HECW2: variants seen among roughly 807,000 people sequenced by gnomAD.
The protein encoded by HECW2 is E3 ubiquitin-protein ligase HECW2.
Under a neutral mutation model 175.2 loss-of-function variants are expected in HECW2, and 61 were observed. The ratio of observed to expected loss-of-function variants is 0.35; its 90% CI spans 0.28 to 0.43. The LOEUF (loss-of-function observed/expected upper bound fraction) is 0.43, where lower values mean the gene tolerates loss of function less well. HECW2 is among the 20% of genes least tolerant of loss of function. The pLI is 1.00. For missense variants in HECW2, 1,524 were observed against 2,000.5 expected, an observed-to-expected ratio of 0.76 and a Z score of 4.54; for synonymous variants, 671 against 731.0, an observed-to-expected ratio of 0.92 and a Z score of 1.32.
Position 196,201,247 on chromosome 2 carries a change from G to T in HECW2, c.*30C>A. Reference sequence around the variant, plus strand: ...TAGAAGGCAGCTTCTGAACCTGCCTGTCCACAGAGATGGGCATTCAGCTTC... The same window carrying T: ...TAGAAGGCAGCTTCTGAACCTGCCTTTCCACAGAGATGGGCATTCAGCTTC... On this transcript the variant is annotated 3_prime_UTR_variant, in exon 29 of 29. Coordinates refer to ENST00000644978, the MANE Select transcript of HECW2 (RefSeq NM_001348768.2). 1 of 1,406,666 alleles carries T rather than the reference G, an allele frequency of 7.1e-7. No homozygotes were observed. Among genetic ancestry groups the T allele is most frequent in the Non-Finnish European group, 1.0e-6 (1 of 991,020 alleles). 87.1% of individuals were successfully genotyped at this position (1,406,666 alleles called of 1,614,324 possible). A position where few individuals can be genotyped will look rare whatever the true frequency, so the allele number is the denominator to read the frequency against.
intron 10 of HECW2, among the ~76,000 whole-genome samples, chr2:196,312,231 A>G (rs1053353581): frequency 2.3e-5 from 3 of 132,964 alleles, no homozygotes; most frequent in African/African-American, 8.4e-5. Context: ...ATGAATTACA[A>G]CGTATCAGGG....
chr2:196,241,341 G>A lies in HECW2; in HGVS notation c.3650+743C>T, dbSNP rs543185798. 9.8e-4 allele frequency among the ~76,000 whole-genome samples: 149 copies of A among 152,278 alleles called. 1 individual carries two copies. Among genetic ancestry groups the A allele is most frequent in the Admixed American group, 2.3e-3 (35 of 15,298 alleles). On this transcript the variant is annotated intron_variant, in intron 20 of 28. Transcript: ENST00000644978. ...GCAGATGATTTTTTAGGGCAATGAAGGTGGATTTTAATCAAGCAAGCCTTC... is the reference window on the plus strand; with the variant it reads ...GCAGATGATTTTTTAGGGCAATGAAAGTGGATTTTAATCAAGCAAGCCTTC...
At chr2:196,354,191 C>T (rs1258985721) in intron 2 of HECW2, among the ~76,000 whole-genome samples, 1 of 152,230 alleles carries the variant, frequency 6.6e-6, no homozygotes, top group Non-Finnish European at 1.5e-5. Context: ...ACACCACCAT[C>T]AGTCAGGCTG....
chr2:196,376,443 A>G (rs1694053839), intron 2 of HECW2, among the ~76,000 whole-genome samples: 1 of 151,770 alleles, frequency 6.6e-6, no homozygotes, highest in Non-Finnish European at 1.5e-5. Context: ...AGCCTGGCCA[A>G]CATGACGAAA....
intron 2 of HECW2, among the ~76,000 whole-genome samples, chr2:196,386,693 T>C (rs759956766): frequency 9.9e-5 from 15 of 152,218 alleles, no homozygotes; most frequent in Non-Finnish European, 1.9e-4. Flanking sequence ...GCAATGATTT[T>C]TGAATGTGAC....
At chr2:196,526,436 G>A (rs1688649253) in intron 1 of HECW2, among the ~76,000 whole-genome samples, 1 of 150,656 alleles carries the variant, frequency 6.6e-6, no homozygotes, top group South Asian at 2.1e-4. Context: ...TCCTCCCGTA[G>A]CTCAGAGTAA....
intron 2 of HECW2, among the ~76,000 whole-genome samples, chr2:196,387,036 T>G (rs1694370403): frequency 1.3e-5 from 2 of 152,150 alleles, no homozygotes; most frequent in South Asian, 2.1e-4. Context: ...ACTCAATTTT[T>G]CTCATTTTTC....
chr2:196,511,046 A>G (rs1257567079), intron 1 of HECW2, among the ~76,000 whole-genome samples: 1 of 151,528 alleles, frequency 6.6e-6, no homozygotes, highest in Non-Finnish European at 1.5e-5. Flanking sequence ...GCTCACAGCA[A>G]CCTCTGCCTC....
chr2:196,211,890 T>C (rs567148987), intron 28 of HECW2, among the ~76,000 whole-genome samples: 6 of 152,312 alleles, frequency 3.9e-5, no homozygotes, highest in African/African-American at 1.2e-4. Context: ...TCGCCCAGGC[T>C]GGAGTGCAGC....
At chr2:196,381,593 G>T (rs1469036662) in intron 2 of HECW2, among the ~76,000 whole-genome samples, 1 of 152,076 alleles carries the variant, frequency 6.6e-6, no homozygotes, top group Non-Finnish European at 1.5e-5. Context: ...AAAGTTCTGG[G>T]AAGTCAGGAA....
At chr2:196,426,131 T>A (rs538408398) in intron 2 of HECW2, among the ~76,000 whole-genome samples, 1 of 152,324 alleles carries the variant, frequency 6.6e-6, no homozygotes, top group South Asian at 2.1e-4. Flanking sequence ...AAAGTCTTTT[T>A]AAGTTAAGGT....
Position 196,254,011 on chromosome 2 carries a change from T to C in HECW2, c.3438A>G (p.Ile1146Met). ...AGGCATGTGGAGGCACATACGACAT[T>C]ATCTCTTCTTCAAATAAGCTGGGGA... ...VMLLSLFEEEIMSYVPPHALL... is the reference protein window; with the variant it reads ...VMLLSLFEEEMMSYVPPHALL... Residue 1146 changes from isoleucine (I) to methionine (M), a missense_variant, in exon 19 of 29, where the codon ATA becomes ATG. Physicochemically the swap from Ile to Met is conservative, Grantham distance 10. This residue lies in a region of HECW2 where 291 missense variants were observed against 412.2 expected (regional missense o/e 0.71). Transcript: ENST00000644978. 1 of 1,613,706 alleles carries C rather than the reference T, an allele frequency of 6.2e-7. No individual in the cohort carries two copies.
At chr2:196,340,746 A>G (rs1692721478) in intron 3 of HECW2, among the ~76,000 whole-genome samples, 1 of 152,094 alleles carries the variant, frequency 6.6e-6, no homozygotes, top group Non-Finnish European at 1.5e-5. Context: ...ATTAATGAAG[A>G]AAGACTTATT....
rs1553538700 is a variant in HECW2, at chr2:196,569,371, C to CTAAAA, written c.-36+24132_-36+24136dup. Among the ~76,000 whole-genome samples the CTAAAA allele has an allele frequency of 2.3e-3, 327 of 144,280 alleles. 4 individuals carry two copies. The highest frequency in any genetic ancestry group is 7.8e-3 in the African/African-American group (272 of 35,008). The allele number at this position is 144,280 out of a possible 152,430, so 94.7% of individuals were successfully genotyped here. On this transcript the variant is annotated intron_variant, in intron 1 of 28. Transcript: ENST00000644978. ...CTAAACTAAACTAAACTAAACTAAA[C>CTAAAA]TAAAATAAAATAAAATAGGCTTTGT...
At chr2:196,246,690 A>G (rs528349866) in intron 19 of HECW2, among the ~76,000 whole-genome samples, 1 of 152,230 alleles carries the variant, frequency 6.6e-6, no homozygotes, top group East Asian at 1.9e-4. Context: ...GTGCCCTGCC[A>G]AGAAACATGT....
At chr2:196,412,453 A>T (rs1695140369) in intron 2 of HECW2, among the ~76,000 whole-genome samples, 1 of 152,204 alleles carries the variant, frequency 6.6e-6, no homozygotes, top group Admixed American at 6.5e-5. Context: ...TCAACATATG[A>T]ATTTGGGGGG....
Position 196,342,969 on chromosome 2 carries a change from T to A in HECW2, c.400+688A>T, listed in dbSNP as rs113483967. On this transcript the variant is annotated intron_variant, in intron 3 of 28. Transcript: ENST00000644978. The stretch of plus-strand genomic sequence containing the variant: ...CATATATAATTTATATACCATACAT[T>A]ATGTATATGTAAAATATAAAATATA... Among the ~76,000 whole-genome samples the A allele has an allele frequency of 1.7e-3, 264 of 151,058 alleles. 1 individual carries two copies. Among genetic ancestry groups the A allele is most frequent in the African/African-American group, 6.1e-3 (253 of 41,310 alleles).
chr2:196,405,167 C>T (rs1051573951), intron 2 of HECW2, among the ~76,000 whole-genome samples: 1 of 152,010 alleles, frequency 6.6e-6, no homozygotes, highest in Non-Finnish European at 1.5e-5. Context: ...CATCTTCCGT[C>T]TCCCCTTCCA....
intron 2 of HECW2, among the ~76,000 whole-genome samples, chr2:196,413,507 G>A (rs570077123): frequency 1.1e-4 from 16 of 152,088 alleles, no homozygotes; most frequent in East Asian, 3.9e-4. Context: ...CACCATGCCC[G>A]GCTAATTTTT....
Sources: gnomAD v4.1 joint callset for allele counts (sites outside exome capture counted in the v4.1 genomes callset) on GRCh38, gnomAD v4.1.1 for gene constraint, gnomAD v4.1.1 regional missense constraint, MANE v1.5 for transcripts, NCBI Gene and HGNC (gene_info 2026-07-23, HGNC 2026-07-21) for gene names.